LPAR1: variants seen among roughly 807,000 people sequenced by gnomAD.
LPAR1 encodes lysophosphatidic acid receptor 1, also known as LPA receptor 1.
LPAR1 carries 5 observed loss-of-function variants against 23.8 expected under a neutral mutation model. The ratio of observed to expected loss-of-function variants is 0.21; its 90% confidence interval spans 0.11 to 0.44. The LOEUF (loss-of-function observed/expected upper bound fraction) is 0.44. Among genes scored for constraint, LPAR1 ranks in the 20% least tolerant of loss-of-function variants. The pLI is 0.99. For missense variants in LPAR1, 311 were observed against 482.8 expected (o/e 0.64, Z 3.33); for synonymous variants, 160 against 164.7 (o/e 0.97, Z 0.22).
intron 5 of LPAR1, among the ~76,000 whole-genome samples, chr9:110,912,506 G>A (rs1037716551): frequency 6.6e-6 from 1 of 152,158 alleles, no homozygotes; most frequent in Non-Finnish European, 1.5e-5. Flanking sequence ...TAAAAGCAAA[G>A]AGAGAAGAGG....
intron 2 of LPAR1, among the ~76,000 whole-genome samples, chr9:110,993,513 C>T (rs897940970): frequency 1.3e-5 from 2 of 152,062 alleles, no homozygotes; most frequent in African/African-American, 4.8e-5. Context: ...AGGATGTCCC[C>T]ATGGGAAGGT....
At chr9:111,014,551 A>G (rs537200342) in intron 2 of LPAR1, among the ~76,000 whole-genome samples, 1 of 152,164 alleles carries the variant, frequency 6.6e-6, no homozygotes, top group East Asian at 1.9e-4. Context: ...TCAACCTTGG[A>G]TCACATTAGA....
chr9:111,002,539 T>C (rs1318874252), intron 2 of LPAR1, among the ~76,000 whole-genome samples: 1 of 152,202 alleles, frequency 6.6e-6, no homozygotes, highest in African/African-American at 2.4e-5. Context: ...AACATATTTC[T>C]GAATGAACTT....
intron 5 of LPAR1, among the ~76,000 whole-genome samples, chr9:110,935,863 A>T (rs1381588500): frequency 6.6e-6 from 1 of 152,212 alleles, no homozygotes; most frequent in Non-Finnish European, 1.5e-5. Context: ...TCCCACAGAC[A>T]GAAGCTCAAA....
chr9:111,027,559 T>G (rs559426767), intron 2 of LPAR1, among the ~76,000 whole-genome samples: 116 of 152,124 alleles, frequency 7.6e-4, no homozygotes, highest in African/African-American at 2.6e-3. Context: ...AATACAATTT[T>G]TTTTAAGTCC....
chr9:111,030,538 C>T (rs2097777358), intron 2 of LPAR1, among the ~76,000 whole-genome samples: 1 of 152,108 alleles, frequency 6.6e-6, no homozygotes, highest in Admixed American at 6.6e-5. Context: ...GGTTGAAAGG[C>T]CTTTCATTCA....
intron 2 of LPAR1, among the ~76,000 whole-genome samples, chr9:111,031,138 T>G (rs1405868451): frequency 2.0e-5 from 3 of 152,108 alleles, no homozygotes; most frequent in Admixed American, 6.6e-5. Context: ...AAAAAAAATT[T>G]TGTAAATGAA....
At chr9:110,955,700 C>A (rs1388648776) in intron 4 of LPAR1, among the ~76,000 whole-genome samples, 2 of 144,208 alleles carry the variant, frequency 1.4e-5, no homozygotes, top group Non-Finnish European at 1.5e-5. Context: ...TACCAATTAT[C>A]TCCTCAGACC....
At chr9:110,931,159 T>C (rs10481662) in intron 5 of LPAR1, among the ~76,000 whole-genome samples, 2,376 of 152,310 alleles carry the variant, frequency 0.016, 52 homozygotes, top group African/African-American at 0.054. Context: ...TTCCTTTGCC[T>C]AGGCTTACTT....
intron 2 of LPAR1, among the ~76,000 whole-genome samples, chr9:111,027,847 C>T (rs932431123): frequency 1.0e-5 from 1 of 97,542 alleles, no homozygotes; most frequent in Non-Finnish European, 1.9e-5. Context: ...ACTCTGGGAA[C>T]ATCAACACTG....
intron 5 of LPAR1, among the ~76,000 whole-genome samples, chr9:110,887,129 G>T (rs2082620395): frequency 6.6e-6 from 1 of 152,024 alleles, no homozygotes; most frequent in African/African-American, 2.4e-5. Context: ...ATAGAATGTA[G>T]CTGATGACAA....
intron 2 of LPAR1, among the ~76,000 whole-genome samples, chr9:110,991,214 TG>T (rs1321302036): frequency 6.6e-6 from 1 of 152,156 alleles, no homozygotes; most frequent in Non-Finnish European, 1.5e-5. Flanking sequence ...AAGTAACAAA[TG>T]TAAGAAGACA....
At chr9:110,903,576 G>T (rs1487736188) in intron 5 of LPAR1, 1 of 151,974 alleles carries the variant, frequency 6.6e-6, no homozygotes, top group Non-Finnish European at 1.5e-5. Flanking sequence ...CAGATCAACA[G>T]AATTACCAAA....
intron 2 of LPAR1, among the ~76,000 whole-genome samples, chr9:111,034,616 T>C (rs1003194007): frequency 6.6e-6 from 1 of 152,172 alleles, no homozygotes; most frequent in Non-Finnish European, 1.5e-5. Context: ...TTTATATAAT[T>C]TGAGTAAACA....
chr9:111,002,929 A>G (rs1033040499), intron 2 of LPAR1, among the ~76,000 whole-genome samples: 3 of 152,172 alleles, frequency 2.0e-5, no homozygotes, highest in Non-Finnish European at 4.4e-5. Flanking sequence ...GCTTGAGGCC[A>G]GGAGTTTGAG....
At chr9:110,901,012 T>C (rs753755888) in intron 5 of LPAR1, among the ~76,000 whole-genome samples, 2 of 152,232 alleles carry the variant, frequency 1.3e-5, no homozygotes, top group African/African-American at 2.4e-5. Flanking sequence ...TCTGTTCCTA[T>C]AAACTGCTCT....
At position 111,038,461 on chromosome 9, in the gene LPAR1, G is replaced by C. The variant is rs1246666283; in HGVS notation, c.-556C>G. The C allele has an allele frequency of 8.9e-6, 3 of 337,328 alleles. No homozygotes were observed. Among genetic ancestry groups the C allele is most frequent in the Non-Finnish European group, 1.8e-5 (3 of 170,930 alleles). The allele number at this position is 337,328 out of a possible 1,614,324, so 20.9% of individuals were successfully genotyped here. A position where few individuals can be genotyped will look rare whatever the true frequency, so the allele number is the denominator to read the frequency against. ...ACTCAGGGAGCGTCAGCCGCCAGTCGGCCCCTACTGCCCGGCTTTGGCGCG... is the reference window on the plus strand; with the variant it reads ...ACTCAGGGAGCGTCAGCCGCCAGTCCGCCCCTACTGCCCGGCTTTGGCGCG... On this transcript the variant is annotated 5_prime_UTR_variant, in exon 1 of 6. Coordinates refer to ENST00000683809, the MANE Select transcript of LPAR1 (RefSeq NM_001351411.2). The surrounding 1 kb of genome is among the most constrained non-coding windows in gnomAD (Gnocchi z 4.4).
intron 5 of LPAR1, among the ~76,000 whole-genome samples, chr9:110,894,511 G>A (rs1217857234): frequency 6.6e-6 from 1 of 152,158 alleles, no homozygotes; most frequent in Non-Finnish European, 1.5e-5. Context: ...CAAAGGATAA[G>A]CCTCCAAGAA....
intron 2 of LPAR1, among the ~76,000 whole-genome samples, chr9:111,025,457 G>C (rs12001240): frequency 0.099 from 15,011 of 152,182 alleles, 982 homozygotes; most frequent in African/African-American, 0.2. Flanking sequence ...CCCTTTGTCA[G>C]ATGAATAGAT....
Sources: allele counts gnomAD v4.1 joint callset (sites outside exome capture counted in the v4.1 genomes callset), GRCh38; gene constraint gnomAD v4.1.1; non-coding constraint Gnocchi (gnomAD v3.1); transcripts MANE v1.5; gene names NCBI Gene and HGNC (gene_info 2026-07-23, HGNC 2026-07-21).